CNTN5: variants seen among roughly 807,000 people sequenced by gnomAD.
CNTN5 encodes contactin 5.
CNTN5 carries 77 observed loss-of-function variants against 129.1 expected under a neutral mutation model. That is an observed-to-expected ratio of 0.60 (90% confidence interval 0.50 to 0.72). CNTN5 has a LOEUF of 0.72. Ranked by LOEUF, CNTN5 falls within the 30% of genes least tolerant of loss-of-function variation. The pLI is 0.00. For missense variants in CNTN5, 1,478 were observed against 1,328.8 expected (o/e 1.11, Z -1.75); for synonymous variants, 509 against 465.6 (o/e 1.09, Z -1.20).
chr11:99,546,443 G>A (rs979300082), intron 2 of CNTN5, among the ~76,000 whole-genome samples: 2 of 152,050 alleles, frequency 1.3e-5, no homozygotes, highest in African/African-American at 4.8e-5. Flanking sequence ...ATCAACTGAA[G>A]AATCACAAGA....
Position 99,637,010 on chromosome 11 carries a change from C to CAAAA in CNTN5, c.55+80769_55+80772dup, listed in dbSNP as rs869133131. Among the ~76,000 whole-genome samples, 53 of 7,822 alleles carry CAAAA rather than the reference C, an allele frequency of 6.8e-3. 9 individuals are homozygous for CAAAA. The highest frequency in any genetic ancestry group is 9.5e-3 in the African/African-American group (36 of 3,802). 5.1% of individuals were successfully genotyped at this position (7,822 alleles called of 152,430 possible). Reference sequence around the variant, plus strand: ...CCTGGTGACAGAGCTAACTTTGTCTCAAAAAAAAAAAAAAAAAAAAAAAAA... The same window carrying CAAAA: ...CCTGGTGACAGAGCTAACTTTGTCTCAAAAAAAAAAAAAAAAAAAAAAAAAAAAA... On this transcript the variant is annotated intron_variant, in intron 3 of 24. Transcript: ENST00000524871.
chr11:99,166,129 C>A (rs1860853617), intron 1 of CNTN5, among the ~76,000 whole-genome samples: 1 of 152,098 alleles, frequency 6.6e-6, no homozygotes, highest in Non-Finnish European at 1.5e-5. Context: ...TATGACTGGG[C>A]ACGATGGCTC....
intron 2 of CNTN5, among the ~76,000 whole-genome samples, chr11:99,511,688 G>C (rs1211724720): frequency 6.6e-6 from 1 of 151,950 alleles, no homozygotes; most frequent in African/African-American, 2.4e-5. Context: ...AAGTCTCTTT[G>C]TAGGTCACTC....
chr11:99,478,587 A>G (rs530499887), intron 2 of CNTN5, among the ~76,000 whole-genome samples: 25 of 152,218 alleles, frequency 1.6e-4, no homozygotes, highest in African/African-American at 5.5e-4. Context: ...ATTGGCTACT[A>G]CAATTCCTTT....
intron 21 of CNTN5, among the ~76,000 whole-genome samples, chr11:100,334,091 T>A (rs1267363794): frequency 6.6e-6 from 1 of 151,280 alleles, no homozygotes; most frequent in Non-Finnish European, 1.5e-5. Context: ...AAGAAGAAAA[T>A]AAACGATCCC....
At chr11:99,853,292 T>A (rs1001447857) in intron 6 of CNTN5, among the ~76,000 whole-genome samples, 2 of 152,146 alleles carry the variant, frequency 1.3e-5, no homozygotes, top group African/African-American at 4.8e-5. Context: ...GATAGACGGA[T>A]AATTGATACT....
chr11:99,249,229 T>C (rs970835690), intron 1 of CNTN5, among the ~76,000 whole-genome samples: 1 of 152,170 alleles, frequency 6.6e-6, no homozygotes, highest in Admixed American at 6.6e-5. Context: ...TTTGAAGCAA[T>C]TGTGAATGGG....
chr11:99,448,583 A>G (rs1440687144), intron 2 of CNTN5, among the ~76,000 whole-genome samples: 1 of 151,786 alleles, frequency 6.6e-6, no homozygotes, highest in Non-Finnish European at 1.5e-5. Context: ...TATCAAGAGT[A>G]AATCCCTACC....
intron 6 of CNTN5, among the ~76,000 whole-genome samples, chr11:99,902,302 A>C (rs917284785): frequency 2.0e-5 from 3 of 150,776 alleles, no homozygotes; most frequent in South Asian, 4.2e-4. Context: ...ATAACACTTC[A>C]TCACATGTTA....
intron 1 of CNTN5, among the ~76,000 whole-genome samples, chr11:99,116,304 A>G (rs1162363622): frequency 6.6e-6 from 1 of 152,184 alleles, no homozygotes; most frequent in African/African-American, 2.4e-5. Flanking sequence ...ATTTATCTGC[A>G]CACTTAACAC....
At chr11:99,758,619 G>C (rs1159202450) in intron 3 of CNTN5, among the ~76,000 whole-genome samples, 1 of 151,956 alleles carries the variant, frequency 6.6e-6, no homozygotes, top group Non-Finnish European at 1.5e-5. Flanking sequence ...TGAGAGTGTT[G>C]TGTAACACAG....
chr11:99,245,679 T>C (rs2135773717), intron 1 of CNTN5, among the ~76,000 whole-genome samples: 1 of 152,272 alleles, frequency 6.6e-6, no homozygotes, highest in Admixed American at 6.5e-5. Context: ...AGCTTTACAC[T>C]ACTCTGACTA....
chr11:99,876,980 G>C (rs1948648609), intron 6 of CNTN5, among the ~76,000 whole-genome samples: 1 of 152,084 alleles, frequency 6.6e-6, no homozygotes, highest in African/African-American at 2.4e-5. Flanking sequence ...TTTCTCTGTA[G>C]AAGTGAGTTA....
chr11:100,065,454 A>G (rs1179352895), intron 10 of CNTN5, among the ~76,000 whole-genome samples: 2 of 152,132 alleles, frequency 1.3e-5, no homozygotes, highest in African/African-American at 4.8e-5. Context: ...AATGAAGGGA[A>G]CTAATAATCA....
chr11:99,839,726 A>G (rs1430389584), intron 4 of CNTN5, among the ~76,000 whole-genome samples: 1 of 152,126 alleles, frequency 6.6e-6, no homozygotes, highest in African/African-American at 2.4e-5. Flanking sequence ...AACAAATGGA[A>G]GAGAGAAAAA....
At chr11:100,279,585 C>T (rs752870684) in intron 18 of CNTN5, among the ~76,000 whole-genome samples, 13 of 151,786 alleles carry the variant, frequency 8.6e-5, no homozygotes, top group Non-Finnish European at 1.6e-4. Context: ...CTAGATATTC[C>T]AATTTATTGG....
At chr11:99,899,444 A>AT (rs1389680554) in intron 6 of CNTN5, among the ~76,000 whole-genome samples, 1 of 151,844 alleles carries the variant, frequency 6.6e-6, no homozygotes, top group Admixed American at 6.6e-5. Context: ...GAGATGTTGG[A>AT]TTTTATCCAG....
At chr11:100,236,682 T>A (rs145444529) in intron 16 of CNTN5, among the ~76,000 whole-genome samples, 5 of 152,186 alleles carry the variant, frequency 3.3e-5, no homozygotes, top group African/African-American at 1.2e-4. Context: ...TCCCCGACTG[T>A]AGCTGCCTTT....
intron 3 of CNTN5, among the ~76,000 whole-genome samples, chr11:99,693,620 A>C (rs1453527722): frequency 6.6e-6 from 1 of 152,112 alleles, no homozygotes; most frequent in African/African-American, 2.4e-5. Flanking sequence ...GGATAGTGAG[A>C]GACATGGAGT....
Sources: allele counts gnomAD v4.1 joint callset (sites outside exome capture counted in the v4.1 genomes callset), GRCh38; gene constraint gnomAD v4.1.1; transcripts MANE v1.5; gene names NCBI Gene and HGNC (gene_info 2026-07-23, HGNC 2026-07-21).